Variants in PIGX observed in about 807,000 individuals in gnomAD.
PIGX encodes phosphatidylinositol glycan anchor biosynthesis class X, also known as GPI alpha-1,4-mannosyltransferase I, stabilizing subunit.
PIGX carries 24 observed loss-of-function variants against 28.7 expected under a neutral mutation model. The observed-to-expected ratio is 0.84, with a 90% CI of 0.60 to 1.17. The LOEUF (loss-of-function observed/expected upper bound fraction) is 1.17, where lower values mean the gene tolerates loss of function less well. Ranked by LOEUF, PIGX falls within the 50% of genes most tolerant of loss-of-function variation. The probability of loss-of-function intolerance (pLI) is 0.00; values close to 1 mark genes in which losing one functional copy is unlikely to be tolerated. For missense variants in PIGX, 305 were observed against 317.8 expected (o/e 0.96, Z 0.31); for synonymous variants, 127 against 121.0 (o/e 1.05, Z -0.33).
In PIGX at chr3:196,733,076, G is replaced by T. The variant is rs1439268953; in HGVS notation, c.634-683G>T. Among the ~76,000 whole-genome samples, 1 of 152,170 alleles carries T rather than the reference G, an allele frequency of 6.6e-6. No homozygotes were observed. The highest frequency in any genetic ancestry group is 1.9e-4 in the East Asian group (1 of 5,202). ...AAGTCTTCAATTTAGAGAGAATTCTGTATTCTAATTTGAAACATGGTAAGA... is the reference window on the plus strand; with the variant it reads ...AAGTCTTCAATTTAGAGAGAATTCTTTATTCTAATTTGAAACATGGTAAGA... On this transcript the variant is annotated intron_variant, in intron 5 of 5. Coordinates refer to ENST00000392391, the MANE Select transcript of PIGX (RefSeq NM_017861.4). The surrounding 1 kb of genome is among the most constrained non-coding windows in gnomAD (Gnocchi z 4.3).
chr3:196,724,292 G>A (rs1474354567), intron 3 of PIGX, among the ~76,000 whole-genome samples: 1 of 152,010 alleles, frequency 6.6e-6, no homozygotes, highest in Non-Finnish European at 1.5e-5. Context: ...TGGGATTACA[G>A]GCATGAGCCA....
rs116480774 is a variant in PIGX at position 196,726,026 on chromosome 3, G to A, written c.319-1897G>A. 8.1e-3 allele frequency among the ~76,000 whole-genome samples: 1,228 copies of A among 152,236 alleles called. 12 individuals are homozygous for A. The highest frequency in any genetic ancestry group is 0.028 in the African/African-American group (1,173 of 41,524). ...GACTGTAATAATAAATTAGCAGCTA[G>A]GCAAGGATGGGGGGAAAAATGACCT... On this transcript the variant is annotated intron_variant, in intron 3 of 5. Transcript: ENST00000392391.
chr3:196,716,925 A>G lies in PIGX; in HGVS notation c.176+4A>G. On this transcript the variant is annotated splice_donor_region_variant and intron_variant, in intron 2 of 5. Coordinates refer to ENST00000392391, the MANE Select transcript of PIGX (RefSeq NM_017861.4). ...TTTTGAAAGATGGTTTCCACAGGTA[A>G]GTTGCCTGTTGATTTCTATTTCTAT... 6.4e-7 allele frequency: 1 copy of G among 1,552,060 alleles called. No homozygotes were observed. The highest frequency in any genetic ancestry group is 1.7e-4 in the Middle Eastern group (1 of 5,940).
chr3:196,721,773 G>A (rs942721290), intron 2 of PIGX, among the ~76,000 whole-genome samples: 2 of 149,156 alleles, frequency 1.3e-5, no homozygotes, highest in African/African-American at 5.1e-5. Flanking sequence ...TTTTTTTTTA[G>A]ATGGGGATTT....
chr3:196,718,539 G>T (rs1462640554), intron 2 of PIGX, among the ~76,000 whole-genome samples: 1 of 152,114 alleles, frequency 6.6e-6, no homozygotes, highest in African/African-American at 2.4e-5. Context: ...ATATGATGAA[G>T]TACATTGATG....
chr3:196,729,634 G>C (rs555113734), intron 4 of PIGX, among the ~76,000 whole-genome samples: 1 of 151,074 alleles, frequency 6.6e-6, no homozygotes, highest in East Asian at 2.0e-4. Flanking sequence ...TGATCCACCC[G>C]CCTCGGCCTC....
intron 2 of PIGX, chr3:196,717,973 T>C (rs1577670584): frequency 6.6e-6 from 1 of 152,348 alleles, no homozygotes; most frequent in East Asian, 1.9e-4. Flanking sequence ...TTTGAAATGA[T>C]TCTCAGATAC....
At position 196,712,556 on chromosome 3, in the gene PIGX, T is replaced by A. The variant is rs1007853039; in HGVS notation, c.24T>A (p.Val8=). 4.5e-5 allele frequency: 53 copies of A among 1,180,924 alleles called. No homozygotes were observed. The highest frequency in any genetic ancestry group is 5.3e-5 in the Non-Finnish European group (51 of 955,282). The allele number at this position is 1,180,924 out of a possible 1,614,324, so 73.2% of individuals were successfully genotyped here. ...TCCTGGCGGCTCGGGTGGCGGCGGT[T>A]CGGGCGGCCGCCTGGCTGCTCCTCG... The change falls in exon 1 of 6, where the codon GTT becomes GTA. Residue 8 remains valine, a synonymous_variant. Transcript: ENST00000392391.
chr3:196,719,879 TC>T (rs1318645540), intron 2 of PIGX, among the ~76,000 whole-genome samples: 1 of 152,106 alleles, frequency 6.6e-6, no homozygotes, highest in Non-Finnish European at 1.5e-5. Context: ...AACTTCCGAT[TC>T]CCTGGTTCAA....
chr3:196,732,254 A>AT (rs1189283560), intron 5 of PIGX, among the ~76,000 whole-genome samples: 3 of 23,860 alleles, frequency 1.3e-4, no homozygotes, highest in African/African-American at 3.3e-4. Flanking sequence ...ATATATATAT[A>AT]TATTTTATTT....
At chr3:196,718,009 A>T (rs921587273) in intron 2 of PIGX, 11 of 151,656 alleles carry the variant, frequency 7.3e-5, no homozygotes, top group African/African-American at 2.7e-4. Context: ...TGATTCATTT[A>T]TTTTTTTTTA....
intron 3 of PIGX, among the ~76,000 whole-genome samples, chr3:196,725,693 T>C (rs968427558): frequency 1.3e-5 from 2 of 152,112 alleles, no homozygotes; most frequent in African/African-American, 4.8e-5. Flanking sequence ...AAGAGCCATC[T>C]GACAAAATGA....
At chr3:196,728,344 A>G (rs1306845898) in intron 4 of PIGX, 1 of 590,696 alleles carries the variant, frequency 1.7e-6, no homozygotes, top group African/African-American at 1.9e-5. Context: ...AAAAAAGTTA[A>G]AAAGAAACAT....
chr3:196,714,768 C>T (rs903530318), intron 1 of PIGX, among the ~76,000 whole-genome samples: 5 of 151,938 alleles, frequency 3.3e-5, no homozygotes, highest in African/African-American at 1.2e-4. Flanking sequence ...GCTATTTGTT[C>T]TTTTTTTTAA....
At chr3:196,732,089 G>T (rs1712782535) in intron 5 of PIGX, among the ~76,000 whole-genome samples, 2 of 150,922 alleles carry the variant, frequency 1.3e-5, no homozygotes, top group East Asian at 3.9e-4. Flanking sequence ...GCCTCCCAAA[G>T]TGCTGGGATT....
intron 1 of PIGX, among the ~76,000 whole-genome samples, chr3:196,713,964 T>A (rs1309625649): frequency 6.6e-6 from 1 of 152,120 alleles, no homozygotes; most frequent in African/African-American, 2.4e-5. Context: ...AAAATGGTAC[T>A]TTTGCCTTTA....
intron 4 of PIGX, among the ~76,000 whole-genome samples, chr3:196,728,942 T>G (rs1486462632): frequency 6.6e-6 from 1 of 152,196 alleles, no homozygotes; most frequent in Non-Finnish European, 1.5e-5. Flanking sequence ...GGGAAGATAT[T>G]TTATCACCTA....
At chr3:196,726,457 G>A (rs1435184407) in intron 3 of PIGX, among the ~76,000 whole-genome samples, 1 of 152,120 alleles carries the variant, frequency 6.6e-6, no homozygotes, top group Non-Finnish European at 1.5e-5. Flanking sequence ...CAGAGTGAGA[G>A]TCCGTCTCAA....
intron 1 of PIGX, 106 bp downstream of exon 1, chr3:196,712,750 G>A: frequency 9.0e-7 from 1 of 1,108,352 alleles, no homozygotes; most frequent in Non-Finnish European, 1.1e-6. Context: ...ACCTAGATCA[G>A]TAGGGCGAGC....
Sources: gnomAD v4.1 joint callset for allele counts (sites outside exome capture counted in the v4.1 genomes callset) on GRCh38, gnomAD v4.1.1 for gene constraint, Gnocchi (gnomAD v3.1) non-coding constraint, MANE v1.5 for transcripts, NCBI Gene and HGNC (gene_info 2026-07-23, HGNC 2026-07-21) for gene names.